Variants in TIGD4 observed in about 807,000 individuals in gnomAD.
TIGD4 encodes the protein tigger transposable element derived 4, also known as tigger transposable element-derived protein 4.
TIGD4 carries 20 observed loss-of-function variants against 24.9 expected under a neutral mutation model. The ratio of observed to expected loss-of-function variants is 0.80; its 90% CI spans 0.56 to 1.17. TIGD4 has a LOEUF of 1.17. Ranked by LOEUF, TIGD4 falls within the 50% of genes most tolerant of loss-of-function variation. The pLI, the probability that TIGD4 is intolerant of heterozygous loss-of-function variation, is 0.00. For missense variants in TIGD4, 566 were observed against 591.0 expected (o/e 0.96, Z 0.44); for synonymous variants, 193 against 211.0 (o/e 0.91, Z 0.74).
intron 1 of TIGD4, among the ~76,000 whole-genome samples, chr4:152,772,692 A>G (rs535174236): frequency 2.2e-4 from 34 of 151,814 alleles, no homozygotes; most frequent in African/African-American, 8.2e-4. Flanking sequence ...CCTTAAATCT[A>G]TACTCAAAGT....
chr4:152,771,791 T>C (rs1730181221), intron 1 of TIGD4, among the ~76,000 whole-genome samples: 1 of 152,168 alleles, frequency 6.6e-6, no homozygotes, highest in Non-Finnish European at 1.5e-5. Context: ...AGTTCTGAAA[T>C]AAATCAGATA....
chr4:152,769,523 T>A lies in TIGD4; in HGVS notation c.1482A>T (p.Gly494=), dbSNP rs771023171. The change falls in exon 2 of 2, where the codon GGA becomes GGT. Residue 494 remains glycine, a synonymous_variant. Transcript: ENST00000304337. ...KFLRSQDMND[G]LQNSLADLEN... ...CAAGGTCTGCTAAAGAATTTTGAAG[T>A]CCGTCATTCATATCTTGACTTCTGA... is the stretch of plus-strand genomic sequence containing the variant. 35 of 1,590,346 alleles carry A rather than the reference T, an allele frequency of 2.2e-5. No homozygotes were observed. Among genetic ancestry groups the A allele is most frequent in the South Asian group, 2.2e-4 (19 of 86,708 alleles).
At chr4:152,775,794 C>T (rs1456204795) in intron 1 of TIGD4, among the ~76,000 whole-genome samples, 1 of 152,176 alleles carries the variant, frequency 6.6e-6, no homozygotes, top group Non-Finnish European at 1.5e-5. Flanking sequence ...AATTGATTAG[C>T]AACCTTAATT....
chr4:152,778,640 G>A (rs1423716786), intron 1 of TIGD4, among the ~76,000 whole-genome samples: 2 of 152,122 alleles, frequency 1.3e-5, no homozygotes, highest in East Asian at 3.9e-4. Flanking sequence ...TTTTTTAAGA[G>A]GTGGTATCCT....
Position 152,771,558 on chromosome 4 carries a change from T to C in TIGD4, c.-538-16A>G, listed in dbSNP as rs1730172350. ...ATATCTTCTTCTGTTGTTTGAAAAA[T>C]TAAAAAAAAAGCAATTTTAGCGATA... is the stretch of plus-strand genomic sequence containing the variant. On this transcript the variant is annotated splice_polypyrimidine_tract_variant and intron_variant, in intron 1 of 1. Coordinates refer to ENST00000304337, the MANE Select transcript of TIGD4 (RefSeq NM_145720.4). 6.1e-6 allele frequency: 1 copy of C among 162,632 alleles called. No individual in the cohort carries two copies. 10.1% of individuals were successfully genotyped at this position (162,632 alleles called of 1,614,324 possible).
chr4:152,770,007 CAGTGTCGAT>C lies in TIGD4; in HGVS notation c.989_997del (p.Tyr330_His332del). 6.2e-7 allele frequency: 1 copy of C among 1,610,190 alleles called. No individual in the cohort carries two copies. The highest frequency in any genetic ancestry group is 8.5e-7 in the Non-Finnish European group (1 of 1,177,272). On this transcript the variant is annotated inframe_deletion, in exon 2 of 2. Transcript: ENST00000304337. The stretch of plus-strand genomic sequence containing the variant: ...AGAGCTTAAAAATTTCTTGATAAGA[CAGTGTCGAT>C]ATTTGATTTTAAGGCTTTTAATAAC...
Position 152,770,249 on chromosome 4 carries a change from A to G in TIGD4, c.756T>C (p.Tyr252=), listed in dbSNP as rs138357980. The G allele has an allele frequency of 1.9e-6, 3 of 1,614,092 alleles. No individual in the cohort carries two copies. Among genetic ancestry groups the G allele is most frequent in the South Asian group, 1.1e-5 (1 of 91,074 alleles). The stretch of plus-strand genomic sequence containing the variant: ...TCATCCATGCCATTCTGTTAGCTTC[A>G]TAACACACAGGCAATGATTTTAAAC... ...FKGLKSLPVC[Y]EANRMAWMTS... is the part of the protein sequence containing the mutation. Residue 252 remains tyrosine (Y), a synonymous_variant, in exon 2 of 2, where the codon TAT becomes TAC. Transcript: ENST00000304337.
chr4:152,777,872 T>C (rs1730284434), intron 1 of TIGD4, among the ~76,000 whole-genome samples: 1 of 152,100 alleles, frequency 6.6e-6, no homozygotes, highest in African/African-American at 2.4e-5. Context: ...GCTGAAGTAG[T>C]TTCTAGTGTT....
intron 1 of TIGD4, among the ~76,000 whole-genome samples, chr4:152,776,933 T>C (rs1008285951): frequency 6.6e-6 from 1 of 152,094 alleles, no homozygotes; most frequent in Non-Finnish European, 1.5e-5. Context: ...AGAAGTAGCA[T>C]CTGAACTCAA....
chr4:152,769,892 A>G lies in TIGD4; in HGVS notation c.1113T>C (p.Ile371=), dbSNP rs1441954403. Residue 371 remains isoleucine, a synonymous_variant, in exon 2 of 2, where the codon ATT becomes ATC. Transcript: ENST00000304337. The part of the protein sequence containing the change: ...LCWRAVTPET[I]VKSYEEAGFK... Reference sequence around the variant, plus strand: ...ATCCTGCCTCTTCATAGCTTTTAACAATAGTCTCTGGGGTTACAGCCCTCC... The same window carrying G: ...ATCCTGCCTCTTCATAGCTTTTAACGATAGTCTCTGGGGTTACAGCCCTCC... 6.2e-7 allele frequency: 1 copy of G among 1,613,580 alleles called. No homozygotes were observed. The highest frequency in any genetic ancestry group is 8.5e-7 in the Non-Finnish European group (1 of 1,179,636).
chr4:152,779,388 CG>C (rs1421073361), intron 1 of TIGD4, 93 bp downstream of exon 1: 3 of 152,252 alleles, frequency 2.0e-5, no homozygotes, highest in Admixed American at 6.5e-5. Context: ...TCCCCAGGCA[CG>C]GGGGCAGCGC....
rs1438042607 is a variant in TIGD4, at chr4:152,771,354, A to C, written c.-350T>G. The stretch of plus-strand genomic sequence containing the variant: ...CCTGCTGATGTATTTTTGGAACTTC[A>C]ATCCTTTAAGATGATCCATTTTATC... On this transcript the variant is annotated 5_prime_UTR_variant, in exon 2 of 2. In the 5' UTR this introduces an upstream ATG that the reference lacks. Coordinates refer to ENST00000304337, the MANE Select transcript of TIGD4 (RefSeq NM_145720.4). The C allele has an allele frequency of 1.1e-5, 2 of 181,956 alleles. No individual in the cohort carries two copies. Among genetic ancestry groups the C allele is most frequent in the Non-Finnish European group, 2.5e-5 (2 of 78,652 alleles). The allele number at this position is 181,956 out of a possible 1,614,324, so 11.3% of individuals were successfully genotyped here.
intron 1 of TIGD4, among the ~76,000 whole-genome samples, chr4:152,775,109 G>A (rs1730240561): frequency 6.6e-6 from 1 of 152,054 alleles, no homozygotes; most frequent in South Asian, 2.1e-4. Context: ...TAGAGACGGG[G>A]ATTCACCGTG....
intron 1 of TIGD4, among the ~76,000 whole-genome samples, chr4:152,777,849 T>A (rs1730284175): frequency 6.6e-6 from 1 of 152,088 alleles, no homozygotes; most frequent in Non-Finnish European, 1.5e-5. Flanking sequence ...AATTCCACTA[T>A]TTTCCATCAC....
chr4:152,771,010 C>A lies in TIGD4; in HGVS notation c.-6G>T. On this transcript the variant is annotated 5_prime_UTR_variant, in exon 2 of 2. Coordinates refer to ENST00000304337, the MANE Select transcript of TIGD4 (RefSeq NM_145720.4). ...TCCACAGAAGCTTCTGCCATCTCAGCCAGTGCTTATGTAGAGATTACTCTT... is the reference window on the plus strand; with the variant it reads ...TCCACAGAAGCTTCTGCCATCTCAGACAGTGCTTATGTAGAGATTACTCTT... The A allele has an allele frequency of 6.3e-7, 1 of 1,591,586 alleles. No individual in the cohort carries two copies.
At chr4:152,774,072 C>T (rs1183998554) in intron 1 of TIGD4, among the ~76,000 whole-genome samples, 2 of 151,202 alleles carry the variant, frequency 1.3e-5, no homozygotes, top group Non-Finnish European at 2.9e-5. Flanking sequence ...CCCTCTCTTC[C>T]TCCCTCCCTT....
chr4:152,773,481 T>C (rs777945476), intron 1 of TIGD4, among the ~76,000 whole-genome samples: 3 of 152,066 alleles, frequency 2.0e-5, no homozygotes, highest in African/African-American at 4.8e-5. Context: ...ACAGTTACAA[T>C]GTGGTTAAGA....
At chr4:152,773,998 CTCT>C (rs1730222068) in intron 1 of TIGD4, among the ~76,000 whole-genome samples, 1 of 151,696 alleles carries the variant, frequency 6.6e-6, no homozygotes, top group Non-Finnish European at 1.5e-5. Context: ...TCTTTCCTTC[CTCT>C]TTTCTTTCCT....
Position 152,771,107 on chromosome 4 carries a change from C to T in TIGD4, c.-103G>A. On this transcript the variant is annotated 5_prime_UTR_variant, in exon 2 of 2. Transcript: ENST00000304337. ...ATAATATAGATTGCTGCTTTCTATCCTACTTTATACACTAAAAGTTGGTGT... is the reference window on the plus strand; with the variant it reads ...ATAATATAGATTGCTGCTTTCTATCTTACTTTATACACTAAAAGTTGGTGT... 7.4e-7 allele frequency: 1 copy of T among 1,344,148 alleles called. No homozygotes were observed. Among genetic ancestry groups the T allele is most frequent in the Non-Finnish European group, 9.8e-7 (1 of 1,021,734 alleles). The allele number at this position is 1,344,148 out of a possible 1,614,324, so 83.3% of individuals were successfully genotyped here.
Sources: gnomAD v4.1 joint callset for allele counts (sites outside exome capture counted in the v4.1 genomes callset) on GRCh38, gnomAD v4.1.1 for gene constraint, MANE v1.5 for transcripts, NCBI Gene and HGNC (gene_info 2026-07-23, HGNC 2026-07-21) for gene names.